Variants in STK39 observed in about 807,000 individuals in gnomAD.
STK39 encodes the protein STE20/SPS1-related proline-alanine-rich protein kinase.
Under a neutral mutation model 77.8 loss-of-function variants are expected in STK39, and 20 were observed. The observed-to-expected ratio is 0.26, with a 90% CI of 0.18 to 0.37. STK39 has a LOEUF of 0.37. Ranked by LOEUF, STK39 falls within the 10% of genes least tolerant of loss-of-function variation. The pLI is 1.00. For synonymous variants in STK39, 246 were observed against 234.1 expected, an observed-to-expected ratio of 1.05 and a Z score of -0.47; for missense variants, 479 against 656.5, an observed-to-expected ratio of 0.73 and a Z score of 2.95.
rs74870463 is a variant in STK39 at position 168,010,164 on chromosome 2, G to A, written c.1498+2470C>T. Among the ~76,000 whole-genome samples, 1,503 of 152,280 alleles carry A rather than the reference G, an allele frequency of 9.9e-3. 35 individuals are homozygous for A. Among genetic ancestry groups the A allele is most frequent in the African/African-American group, 0.034 (1,428 of 41,548 alleles). On this transcript the variant is annotated intron_variant, in intron 16 of 17. Coordinates refer to ENST00000355999, the MANE Select transcript of STK39 (RefSeq NM_013233.3). ...TCTTGCCCAATAGGAGACATTAGTA[G>A]GTGTTTCAAAGAAGTTTTTGATTAT... is the stretch of plus-strand genomic sequence containing the variant.
At position 168,105,192 on chromosome 2, in the gene STK39, A is replaced by G. The variant is rs143281713; in HGVS notation, c.1089+24349T>C. On this transcript the variant is annotated intron_variant, in intron 10 of 17. Transcript: ENST00000355999. Reference sequence around the variant, plus strand: ...AAGCACTTCTTTTTTTATAACCTCTAGCTTTTGCCTGAAAGTTTGTTAGTA... The same window carrying G: ...AAGCACTTCTTTTTTTATAACCTCTGGCTTTTGCCTGAAAGTTTGTTAGTA... Among the ~76,000 whole-genome samples the G allele has an allele frequency of 4.5e-3, 690 of 152,284 alleles. 6 individuals carry two copies. The highest frequency in any genetic ancestry group is 0.016 in the African/African-American group (662 of 41,566).
chr2:168,165,083 T>C (rs986910191), intron 3 of STK39, among the ~76,000 whole-genome samples: 1 of 152,206 alleles, frequency 6.6e-6, no homozygotes, highest in Admixed American at 6.5e-5. Context: ...AACCTCTGTT[T>C]ATTTGTTGAC....
chr2:168,078,467 G>A (rs759813977), intron 10 of STK39, among the ~76,000 whole-genome samples: 6 of 152,128 alleles, frequency 3.9e-5, no homozygotes, highest in Non-Finnish European at 8.8e-5. Flanking sequence ...TCACTCCAGT[G>A]CTGCATCTCT....
Position 168,054,674 on chromosome 2 carries a change from A to G in STK39, c.1376+8826T>C, listed in dbSNP as rs941372489. Among the ~76,000 whole-genome samples, 4 of 40,962 alleles carry G rather than the reference A, an allele frequency of 9.8e-5. No homozygotes were observed. The East Asian group carries it at 2.9e-3, about 30-fold the overall frequency. The allele number at this position is 40,962 out of a possible 152,430, so 26.9% of individuals were successfully genotyped here. ...GAAAAACAAATGTCGTCTTTTCAGA[A>G]ATAAGTTAAGACGGTAAACCCCTTA... is the stretch of plus-strand genomic sequence containing the variant. On this transcript the variant is annotated intron_variant, in intron 14 of 17. Transcript: ENST00000355999.
In STK39 at chr2:168,001,515, T is replaced by C. The variant is rs530695111; in HGVS notation, c.1498+11119A>G. Among the ~76,000 whole-genome samples the C allele has an allele frequency of 2.8e-4, 31 of 111,056 alleles. No homozygotes were observed. The South Asian group carries it at 7.3e-3, about 26-fold the overall frequency. The allele number at this position is 111,056 out of a possible 152,430, so 72.9% of individuals were successfully genotyped here. On this transcript the variant is annotated intron_variant, in intron 16 of 17. Coordinates refer to ENST00000355999, the MANE Select transcript of STK39 (RefSeq NM_013233.3). ...TTAGGATTGGCAAGAAAGTCCTCTT[T>C]TTTTAAAAAAAAAAATGATAACCTA...
At chr2:168,100,795 G>A (rs1326878915) in intron 10 of STK39, among the ~76,000 whole-genome samples, 1 of 152,178 alleles carries the variant, frequency 6.6e-6, no homozygotes. Context: ...GGAAGACAGT[G>A]TGGTGATTCC....
At chr2:168,145,396 G>A (rs544741513) in intron 5 of STK39, among the ~76,000 whole-genome samples, 126 of 152,204 alleles carry the variant, frequency 8.3e-4, no homozygotes, top group Middle Eastern at 3.4e-3. Flanking sequence ...TGAAGCCCTG[G>A]AGCCCACTGT....
intron 2 of STK39, among the ~76,000 whole-genome samples, chr2:168,173,137 G>A (rs954221): frequency 0.26 from 39,844 of 152,032 alleles, 5,857 homozygotes; most frequent in East Asian, 0.56. Flanking sequence ...TCCCAGGCAC[G>A]TTTCCCCACT....
chr2:168,117,797 A>C (rs1687296738), intron 10 of STK39, among the ~76,000 whole-genome samples: 1 of 152,274 alleles, frequency 6.6e-6, no homozygotes, highest in Non-Finnish European at 1.5e-5. Context: ...GACATAGACC[A>C]TGGGACCCTG....
intron 16 of STK39, among the ~76,000 whole-genome samples, chr2:167,965,831 T>G (rs1692142780): frequency 6.6e-6 from 1 of 152,122 alleles, no homozygotes; most frequent in Non-Finnish European, 1.5e-5. Context: ...GTAGAAAAAT[T>G]TAAGTAGAAA....
rs191335785 is a variant in STK39, at chr2:167,990,744, A to G, written c.1498+21890T>C. Among the ~76,000 whole-genome samples, 104 of 152,332 alleles carry G rather than the reference A, an allele frequency of 6.8e-4. 1 individual carries two copies. The highest frequency in any genetic ancestry group is 2.3e-3 in the African/African-American group (96 of 41,582). ...AGTGGTATGTTTTAAGTTGTCAACA[A>G]TTCATTCACTCAATAATATTTATCG... On this transcript the variant is annotated intron_variant, in intron 16 of 17. Transcript: ENST00000355999.
At chr2:167,997,707 A>G (rs886970637) in intron 16 of STK39, among the ~76,000 whole-genome samples, 4 of 152,366 alleles carry the variant, frequency 2.6e-5, no homozygotes, top group Non-Finnish European at 4.4e-5. Flanking sequence ...TTAAAAGCTA[A>G]TAACAAAAAG....
At chr2:168,090,091 T>C (rs1686476507) in intron 10 of STK39, among the ~76,000 whole-genome samples, 1 of 152,228 alleles carries the variant, frequency 6.6e-6, no homozygotes, top group Admixed American at 6.5e-5. Flanking sequence ...CTACATTCTG[T>C]CTACAGAATA....
At chr2:168,043,745 T>G (rs982342696) in intron 14 of STK39, among the ~76,000 whole-genome samples, 2 of 152,244 alleles carry the variant, frequency 1.3e-5, no homozygotes, top group African/African-American at 4.8e-5. Flanking sequence ...TATTACTCTG[T>G]GAAGATTTTG....
chr2:168,113,499 T>C (rs1311527066), intron 10 of STK39, among the ~76,000 whole-genome samples: 2 of 152,154 alleles, frequency 1.3e-5, no homozygotes, highest in Admixed American at 6.6e-5. Flanking sequence ...AAAAAGAGAA[T>C]TATAAATGAC....
chr2:168,148,645 G>C (rs1365007058), intron 5 of STK39, among the ~76,000 whole-genome samples: 7 of 152,174 alleles, frequency 4.6e-5, no homozygotes, highest in Non-Finnish European at 7.3e-5. Flanking sequence ...TTGCACATAG[G>C]AGTAGTTTTC....
chr2:168,219,134 CA>C (rs1690098844), intron 1 of STK39, among the ~76,000 whole-genome samples: 1 of 151,916 alleles, frequency 6.6e-6, no homozygotes, highest in African/African-American at 2.4e-5. Flanking sequence ...AAAAAGTAGG[CA>C]GAGGGTCAGG....
chr2:168,208,020 T>C (rs1011570883), intron 1 of STK39, among the ~76,000 whole-genome samples: 3 of 152,200 alleles, frequency 2.0e-5, no homozygotes, highest in Admixed American at 1.3e-4. Flanking sequence ...AACTGGCTCA[T>C]TATTTGACTC....
At chr2:167,995,054 TTGATTTCATCATTAAAACATTTAAA>T (rs1683798126) in intron 16 of STK39, among the ~76,000 whole-genome samples, 1 of 151,470 alleles carries the variant, frequency 6.6e-6, no homozygotes, top group Non-Finnish European at 1.5e-5. Flanking sequence ...TTCTATATAT[TTGATTTCATCATTAAAACATTTAAA>T]ATATATATAT....
Sources: gnomAD v4.1 joint callset for allele counts (sites outside exome capture counted in the v4.1 genomes callset) on GRCh38, gnomAD v4.1.1 for gene constraint, MANE v1.5 for transcripts, NCBI Gene and HGNC (gene_info 2026-07-23, HGNC 2026-07-21) for gene names.